TMCC1: variants seen among roughly 807,000 people sequenced by gnomAD.
The protein encoded by TMCC1 is transmembrane and coiled-coil domain family 1.
Under a neutral mutation model 52.4 loss-of-function variants are expected in TMCC1, and 15 were observed. The ratio of observed to expected loss-of-function variants is 0.29; its 90% CI spans 0.19 to 0.44. TMCC1 has a LOEUF of 0.44. TMCC1 is among the 20% of genes least tolerant of loss of function. TMCC1 has a pLI of 1.00. For missense variants in TMCC1, 503 were observed against 806.0 expected, an observed-to-expected ratio of 0.62 and a Z score of 4.55; for synonymous variants, 279 against 301.9, an observed-to-expected ratio of 0.92 and a Z score of 0.79.
intron 4 of TMCC1, among the ~76,000 whole-genome samples, chr3:129,774,144 G>A (rs2054833895): frequency 6.6e-6 from 1 of 152,132 alleles, no homozygotes; most frequent in Non-Finnish European, 1.5e-5. Context: ...TCTAGGTCTG[G>A]AGGAGGAAAG....
At chr3:129,685,724 G>A (rs1302520195) in intron 4 of TMCC1, among the ~76,000 whole-genome samples, 1 of 152,196 alleles carries the variant, frequency 6.6e-6, no homozygotes, top group Non-Finnish European at 1.5e-5. Flanking sequence ...AGAGCAGTAC[G>A]ATCTCCTTTG....
intron 2 of TMCC1, among the ~76,000 whole-genome samples, chr3:129,877,770 A>C (rs940855278): frequency 6.7e-6 from 1 of 148,518 alleles, no homozygotes; most frequent in African/African-American, 2.5e-5. Flanking sequence ...CTGGAAATAC[A>C]GGAATGTGCC....
chr3:129,733,392 T>C (rs1233568043), intron 4 of TMCC1, among the ~76,000 whole-genome samples: 1 of 152,242 alleles, frequency 6.6e-6, no homozygotes, highest in Non-Finnish European at 1.5e-5. Context: ...TACCTTGGCT[T>C]CTAAGAAACA....
At chr3:129,735,761 A>G (rs1335365380) in intron 4 of TMCC1, among the ~76,000 whole-genome samples, 1 of 152,232 alleles carries the variant, frequency 6.6e-6, no homozygotes. Flanking sequence ...ATCCTAAGTA[A>G]AGGTCTCATG....
intron 5 of TMCC1, among the ~76,000 whole-genome samples, chr3:129,668,892 T>C (rs1243266870): frequency 6.6e-6 from 1 of 152,270 alleles, no homozygotes. Context: ...CCCAAACTGC[T>C]GGGATTACAG....
chr3:129,779,801 A>G (rs1374255914), intron 4 of TMCC1, among the ~76,000 whole-genome samples: 5 of 152,204 alleles, frequency 3.3e-5, no homozygotes, highest in African/African-American at 1.2e-4. Context: ...GTCACTGAAT[A>G]GTTTCAACAG....
intron 4 of TMCC1, among the ~76,000 whole-genome samples, chr3:129,816,806 T>C (rs2058119288): frequency 6.6e-6 from 1 of 152,094 alleles, no homozygotes; most frequent in African/African-American, 2.4e-5. Flanking sequence ...GGAGGATTAC[T>C]TGAGCCCAGG....
Position 129,671,222 on chromosome 3 carries a change from C to T in TMCC1, c.619G>A (p.Ala207Thr). The T allele has an allele frequency of 3.7e-6, 6 of 1,613,890 alleles. No homozygotes were observed. The highest frequency in any genetic ancestry group is 5.1e-6 in the Non-Finnish European group (6 of 1,179,874). Residue 207 changes from alanine (A) to threonine (T), a missense_variant, in exon 5 of 7, where the codon GCA becomes ACA. Coordinates refer to ENST00000393238, the MANE Select transcript of TMCC1 (RefSeq NM_001017395.5). ...CTGCCATCGGTACTGGAGGCCACTGCACTGGATGTTTGGGCAAGGCTGCTT... is the reference window on the plus strand; with the variant it reads ...CTGCCATCGGTACTGGAGGCCACTGTACTGGATGTTTGGGCAAGGCTGCTT... ...EVSSLAQTSS[A>T]VASSTDGSIH...
intron 4 of TMCC1, among the ~76,000 whole-genome samples, chr3:129,734,758 C>A (rs1027949935): frequency 1.3e-5 from 2 of 152,044 alleles, no homozygotes; most frequent in African/African-American, 4.8e-5. Flanking sequence ...TCTGAAGAAG[C>A]GGAATGGATT....
At chr3:129,723,912 ATT>A (rs5852573) in intron 4 of TMCC1, among the ~76,000 whole-genome samples, 11 of 141,420 alleles carry the variant, frequency 7.8e-5, no homozygotes, top group African/African-American at 1.3e-4. Context: ...TCAGGATGAG[ATT>A]TTTTTTTTTT....
At chr3:129,654,154 G>C (rs1486927336) in intron 6 of TMCC1, among the ~76,000 whole-genome samples, 6 of 152,192 alleles carry the variant, frequency 3.9e-5, no homozygotes, top group Non-Finnish European at 7.3e-5. Flanking sequence ...ATCCTCCAAA[G>C]TTGGTCTGAG....
intron 2 of TMCC1, among the ~76,000 whole-genome samples, chr3:129,834,935 T>C (rs1050707954): frequency 1.3e-5 from 2 of 152,238 alleles, no homozygotes; most frequent in East Asian, 1.9e-4. Flanking sequence ...AAGAAATTGA[T>C]TGCCTTTTAG....
intron 4 of TMCC1, among the ~76,000 whole-genome samples, chr3:129,737,557 T>C (rs1325273526): frequency 7.2e-5 from 11 of 152,044 alleles, no homozygotes; most frequent in Admixed American, 7.2e-4. Context: ...AGGTGACATC[T>C]ATCTATGAGA....
At chr3:129,813,777 T>C (rs1033899175) in intron 4 of TMCC1, among the ~76,000 whole-genome samples, 3 of 151,110 alleles carry the variant, frequency 2.0e-5, no homozygotes, top group Non-Finnish European at 4.4e-5. Flanking sequence ...AACCTACCCA[T>C]GCACTCCTGA....
intron 4 of TMCC1, among the ~76,000 whole-genome samples, chr3:129,784,720 G>A (rs987372532): frequency 6.6e-6 from 1 of 152,044 alleles, no homozygotes; most frequent in African/African-American, 2.4e-5. Context: ...TGTAATCCCA[G>A]CACTTTGGGA....
chr3:129,872,603 T>C (rs192246529), intron 2 of TMCC1, among the ~76,000 whole-genome samples: 6 of 152,278 alleles, frequency 3.9e-5, no homozygotes, highest in African/African-American at 1.4e-4. Flanking sequence ...GCCCTCCATA[T>C]CCTGTTTTTG....
chr3:129,720,552 G>C (rs1452695131), intron 4 of TMCC1, among the ~76,000 whole-genome samples: 1 of 152,112 alleles, frequency 6.6e-6, no homozygotes, highest in African/African-American at 2.4e-5. Context: ...AGGAAGGGAG[G>C]CCATCTTAGA....
At chr3:129,728,669 A>G (rs1188894759) in intron 4 of TMCC1, among the ~76,000 whole-genome samples, 2 of 152,194 alleles carry the variant, frequency 1.3e-5, no homozygotes, top group East Asian at 3.8e-4. Context: ...TAAAACATGC[A>G]TAGACTCATG....
rs1483788675 is a variant in TMCC1, at chr3:129,708,357, CAAG to C, written c.577-37096_577-37094del. 1.1e-4 allele frequency among the ~76,000 whole-genome samples: 16 copies of C among 152,294 alleles called. No individual in the cohort carries two copies. The South Asian group carries it at 3.3e-3, about 32-fold the overall frequency. The stretch of plus-strand genomic sequence containing the variant: ...ATTCTTAAAATGTACTGCAATGTAA[CAAG>C]AGCTTTGTCTGATTTAGATTAAAAT... On this transcript the variant is annotated intron_variant, in intron 4 of 6. Coordinates refer to ENST00000393238, the MANE Select transcript of TMCC1 (RefSeq NM_001017395.5).
Sources: gnomAD v4.1 joint callset for allele counts (sites outside exome capture counted in the v4.1 genomes callset) on GRCh38, gnomAD v4.1.1 for gene constraint, MANE v1.5 for transcripts, NCBI Gene and HGNC (gene_info 2026-07-23, HGNC 2026-07-21) for gene names.